The following LYPLAL1 variants were observed in gnomAD, a reference collection of about 807,000 sequenced individuals.
The protein encoded by LYPLAL1 is lysophospholipase-like protein 1.
LYPLAL1 carries 23 observed loss-of-function variants against 19.7 expected under a neutral mutation model. The observed-to-expected ratio is 1.17, with a 90% confidence interval of 0.84 to 1.65. LYPLAL1 has a LOEUF of 1.65. LYPLAL1 is among the 40% of genes most tolerant of loss of function. LYPLAL1 has a pLI of 0.00. For missense variants in LYPLAL1, 355 were observed against 279.4 expected (o/e 1.27, Z -1.93); for synonymous variants, 119 against 96.3 (o/e 1.24, Z -1.38).
chr1:219,346,970 A>G, the LYPLAL1 span, among the ~76,000 whole-genome samples: 1 of 152,230 alleles, frequency 6.6e-6, no homozygotes, highest in African/African-American at 2.4e-5. Context: ...TTGAGACTTG[A>G]CAAATCTTGT....
the LYPLAL1 span, among the ~76,000 whole-genome samples, chr1:219,220,574 C>T: frequency 6.6e-6 from 1 of 152,144 alleles, no homozygotes; most frequent in Non-Finnish European, 1.5e-5. Flanking sequence ...AGGAGATGAT[C>T]TCTTTCTGGG....
the LYPLAL1 span, among the ~76,000 whole-genome samples, chr1:219,242,938 G>C: frequency 2.0e-5 from 3 of 152,230 alleles, no homozygotes; most frequent in African/African-American, 7.2e-5. Context: ...AGGAGCACCA[G>C]TGTGTGTCAA....
intron 3 of LYPLAL1, among the ~76,000 whole-genome samples, chr1:219,196,561 T>C (rs1327344128): frequency 6.6e-6 from 1 of 152,070 alleles, no homozygotes. Context: ...ACAAAAGCTG[T>C]AACCATTCCC....
At chr1:219,296,269 C>G in the LYPLAL1 span, among the ~76,000 whole-genome samples, 1 of 152,092 alleles carries the variant, frequency 6.6e-6, no homozygotes, top group African/African-American at 2.4e-5. Flanking sequence ...CAGGAAGATG[C>G]CTTTGATGGC....
chr1:219,261,898 G>T, the LYPLAL1 span, among the ~76,000 whole-genome samples: 1 of 152,142 alleles, frequency 6.6e-6, no homozygotes, highest in Non-Finnish European at 1.5e-5. Flanking sequence ...TGGATCTTTG[G>T]CAAGGCCGGG....
At chr1:219,223,311 T>G in the LYPLAL1 span, 4 of 152,250 alleles carry the variant, frequency 2.6e-5, no homozygotes, top group African/African-American at 9.6e-5. Context: ...GAAAAATAAT[T>G]TATTGCCCAG....
At chr1:219,295,954 A>G in the LYPLAL1 span, among the ~76,000 whole-genome samples, 1 of 152,168 alleles carries the variant, frequency 6.6e-6, no homozygotes, top group Non-Finnish European at 1.5e-5. Flanking sequence ...CATTTCCTGC[A>G]ATATATTATG....
At chr1:219,333,069 C>T in the LYPLAL1 span, among the ~76,000 whole-genome samples, 1 of 152,056 alleles carries the variant, frequency 6.6e-6, no homozygotes, top group African/African-American at 2.4e-5. Flanking sequence ...TCATGTCCCT[C>T]TTACACTTCA....
the LYPLAL1 span, among the ~76,000 whole-genome samples, chr1:219,261,491 C>T: frequency 6.6e-6 from 1 of 152,168 alleles, no homozygotes; most frequent in African/African-American, 2.4e-5. Context: ...ATACTAAATA[C>T]TAACTCATGA....
At chr1:219,249,826 G>A in the LYPLAL1 span, among the ~76,000 whole-genome samples, 1 of 152,024 alleles carries the variant, frequency 6.6e-6, no homozygotes, top group Admixed American at 6.6e-5. Flanking sequence ...GATAGACATT[G>A]GGATATTTAC....
chr1:219,367,482 G>A, the LYPLAL1 span, among the ~76,000 whole-genome samples: 13 of 151,740 alleles, frequency 8.6e-5, no homozygotes, highest in African/African-American at 3.1e-4. Flanking sequence ...CAGCCTCAAA[G>A]AGCATAAAAT....
At chr1:219,251,105 G>A in the LYPLAL1 span, among the ~76,000 whole-genome samples, 1 of 151,112 alleles carries the variant, frequency 6.6e-6, no homozygotes, top group African/African-American at 2.4e-5. Flanking sequence ...GGCTGTTTAT[G>A]TCCTTTGCCC....
At chr1:219,349,626 T>C in the LYPLAL1 span, among the ~76,000 whole-genome samples, 2 of 152,210 alleles carry the variant, frequency 1.3e-5, no homozygotes, top group Admixed American at 1.3e-4. Flanking sequence ...CATATGTGTG[T>C]ATGCATGTTT....
the LYPLAL1 span, among the ~76,000 whole-genome samples, chr1:219,263,304 G>T: frequency 6.6e-6 from 1 of 152,110 alleles, no homozygotes; most frequent in African/African-American, 2.4e-5. Context: ...GTGTTACCCA[G>T]CTCCCACACA....
the LYPLAL1 span, among the ~76,000 whole-genome samples, chr1:219,396,006 G>A: frequency 5.9e-5 from 9 of 151,896 alleles, no homozygotes; most frequent in African/African-American, 2.2e-4. Context: ...GGGAGGCTGA[G>A]GCAGAAGAAT....
chr1:219,238,135 T>TTC, the LYPLAL1 span, among the ~76,000 whole-genome samples: 1 of 144,702 alleles, frequency 6.9e-6, no homozygotes, highest in East Asian at 2.0e-4. Flanking sequence ...TTTTTTTTTT[T>TTC]TTTTTTTTGA....
At chr1:219,223,618 AT>A in the LYPLAL1 span, among the ~76,000 whole-genome samples, 2 of 152,192 alleles carry the variant, frequency 1.3e-5, no homozygotes, top group Non-Finnish European at 2.9e-5. Context: ...CAAGAATAGA[AT>A]TAATGGTTCC....
intron 3 of LYPLAL1, among the ~76,000 whole-genome samples, chr1:219,210,002 A>G (rs1221314971): frequency 6.6e-6 from 1 of 152,106 alleles, no homozygotes; most frequent in African/African-American, 2.4e-5. Flanking sequence ...TTAGTTTCCA[A>G]AATAATATTG....
intron 3 of LYPLAL1, among the ~76,000 whole-genome samples, chr1:219,193,693 G>C (rs758473828): frequency 9.9e-5 from 15 of 151,686 alleles, no homozygotes; most frequent in Non-Finnish European, 1.9e-4. Flanking sequence ...ATTTTTGTTA[G>C]ACTGTCTTTA....
Sources: allele counts gnomAD v4.1 joint callset (sites outside exome capture counted in the v4.1 genomes callset), GRCh38; gene constraint gnomAD v4.1.1; transcripts MANE v1.5; gene names NCBI Gene and HGNC (gene_info 2026-07-23, HGNC 2026-07-21).